The following PPP2R5E variants were observed in gnomAD, a reference collection of about 807,000 sequenced individuals.
The protein encoded by PPP2R5E is protein phosphatase 2 regulatory subunit B'epsilon.
PPP2R5E carries 4 observed loss-of-function variants against 65.3 expected under a neutral mutation model. The ratio of observed to expected loss-of-function variants is 0.06; its 90% confidence interval spans 0.03 to 0.14. The LOEUF is 0.14. Ranked by LOEUF, PPP2R5E falls within the 10% of genes least tolerant of loss-of-function variation. The pLI, the probability that PPP2R5E is intolerant of heterozygous loss-of-function variation, is 1.00. For synonymous variants in PPP2R5E, 183 were observed against 187.4 expected (o/e 0.98, Z 0.19); for missense variants, 274 against 556.1 (o/e 0.49, Z 5.10).
intron 3 of PPP2R5E, chr14:63,452,138 A>G (rs1490618919): frequency 6.6e-6 from 1 of 152,240 alleles, no homozygotes; most frequent in Non-Finnish European, 1.5e-5. Context: ...ATATTTATAC[A>G]TATGTTTGCA....
chr14:63,412,702 A>G (rs1286132513), intron 5 of PPP2R5E, among the ~76,000 whole-genome samples: 1 of 152,206 alleles, frequency 6.6e-6, no homozygotes, highest in African/African-American at 2.4e-5. Flanking sequence ...AAGAATCTGG[A>G]TTTCTATTTA....
intron 2 of PPP2R5E, among the ~76,000 whole-genome samples, chr14:63,497,493 C>G (rs1330177499): frequency 6.6e-6 from 1 of 152,054 alleles, no homozygotes; most frequent in African/African-American, 2.4e-5. Flanking sequence ...TGGCTCCCCC[C>G]TGTAATTCTA....
Position 63,487,536 on chromosome 14 carries a change from G to A in PPP2R5E, c.158-33651C>T, listed in dbSNP as rs373964781. Among the ~76,000 whole-genome samples, 10 of 152,254 alleles carry A rather than the reference G, an allele frequency of 6.6e-5. No individual in the cohort carries two copies. The South Asian group carries it at 2.1e-3, about 32-fold the overall frequency. On this transcript the variant is annotated intron_variant, in intron 2 of 13. Coordinates refer to ENST00000337537, the MANE Select transcript of PPP2R5E (RefSeq NM_006246.5). ...GATGGGGTCAATGCCAACGATGTAG[G>A]CATTTCGAAATCAATCTAATGATTT...
At chr14:63,410,500 T>C (rs1329961727) in intron 5 of PPP2R5E, among the ~76,000 whole-genome samples, 3 of 151,790 alleles carry the variant, frequency 2.0e-5, no homozygotes, top group African/African-American at 4.8e-5. Context: ...CGGGGGATAA[T>C]GGGGTAAAAT....
At chr14:63,413,382 G>C (rs1182604691) in intron 5 of PPP2R5E, among the ~76,000 whole-genome samples, 1 of 152,176 alleles carries the variant, frequency 6.6e-6, no homozygotes, top group East Asian at 1.9e-4. Flanking sequence ...TATTTCATTA[G>C]TCTTCAGATG....
chr14:63,403,115 T>A (rs980062391), intron 5 of PPP2R5E, among the ~76,000 whole-genome samples: 19 of 152,116 alleles, frequency 1.2e-4, no homozygotes, highest in African/African-American at 4.6e-4. Flanking sequence ...AATTTACACT[T>A]AGCCAAAATG....
intron 2 of PPP2R5E, among the ~76,000 whole-genome samples, chr14:63,476,998 A>T (rs912512108): frequency 3.9e-5 from 6 of 152,200 alleles, no homozygotes; most frequent in Middle Eastern, 3.4e-3. Flanking sequence ...ATACATCTCC[A>T]TTTCTAAATG....
At chr14:63,439,354 G>GTTTTT (rs529162433) in intron 3 of PPP2R5E, among the ~76,000 whole-genome samples, 1 of 142,990 alleles carries the variant, frequency 7.0e-6, no homozygotes, top group African/African-American at 2.5e-5. Flanking sequence ...GTCCTGGTCT[G>GTTTTT]TTTTTTTTTT....
At chr14:63,522,668 C>G (rs1273537073) in intron 2 of PPP2R5E, among the ~76,000 whole-genome samples, 1 of 150,510 alleles carries the variant, frequency 6.6e-6, no homozygotes, top group Non-Finnish European at 1.5e-5. Flanking sequence ...CGTCTCTGCC[C>G]GGCCGCGACC....
intron 2 of PPP2R5E, among the ~76,000 whole-genome samples, chr14:63,490,664 G>C (rs1033346833): frequency 6.6e-6 from 1 of 152,038 alleles, no homozygotes; most frequent in Non-Finnish European, 1.5e-5. Flanking sequence ...TCAGGGAAAT[G>C]CAAATCAAAA....
At chr14:63,412,184 T>C (rs1303029005) in intron 5 of PPP2R5E, among the ~76,000 whole-genome samples, 1 of 152,184 alleles carries the variant, frequency 6.6e-6, no homozygotes, top group Non-Finnish European at 1.5e-5. Context: ...AAGCCAGGCA[T>C]GGTGGTGCAC....
chr14:63,436,624 A>G (rs1026350072), intron 3 of PPP2R5E, among the ~76,000 whole-genome samples: 2 of 152,208 alleles, frequency 1.3e-5, no homozygotes, highest in Non-Finnish European at 2.9e-5. Context: ...TCCTTATCCC[A>G]AAACTACTGC....
At chr14:63,443,969 T>A (rs1054024029) in intron 3 of PPP2R5E, among the ~76,000 whole-genome samples, 2 of 152,218 alleles carry the variant, frequency 1.3e-5, no homozygotes, top group Non-Finnish European at 2.9e-5. Flanking sequence ...AGTCTCCTAA[T>A]TGATTCCTCT....
At chr14:63,442,021 T>G (rs1461548469) in intron 3 of PPP2R5E, among the ~76,000 whole-genome samples, 2 of 152,112 alleles carry the variant, frequency 1.3e-5, no homozygotes, top group African/African-American at 2.4e-5. Context: ...AAATCAATAC[T>G]GTTAAATGAG....
chr14:63,468,132 A>T (rs1889931672), intron 2 of PPP2R5E, among the ~76,000 whole-genome samples: 1 of 152,242 alleles, frequency 6.6e-6, no homozygotes, highest in African/African-American at 2.4e-5. Flanking sequence ...GCTGAGCCTT[A>T]GTATCTTTTA....
intron 10 of PPP2R5E, among the ~76,000 whole-genome samples, chr14:63,390,026 G>A (rs558523904): frequency 2.6e-5 from 4 of 151,578 alleles, no homozygotes; most frequent in African/African-American, 7.3e-5. Context: ...AACTGACCCC[G>A]TAGGGCCTTC....
chr14:63,438,942 T>C (rs72714238), intron 3 of PPP2R5E, among the ~76,000 whole-genome samples: 164 of 151,798 alleles, frequency 1.1e-3, no homozygotes, highest in Non-Finnish European at 1.6e-3. Flanking sequence ...TAAATGTATA[T>C]ATAACTATAA....
chr14:63,448,787 C>CAAAA lies in PPP2R5E; in HGVS notation c.354+4898_354+4901dup, dbSNP rs36096050. On this transcript the variant is annotated intron_variant, in intron 3 of 13. Transcript: ENST00000337537. ...CCTGGGTGACAGAACAAGACTTCGTCAAAAAAAAAAAAAAAAAAAAGCAAC... is the reference window on the plus strand; with the variant it reads ...CCTGGGTGACAGAACAAGACTTCGTCAAAAAAAAAAAAAAAAAAAAAAAAGCAAC... Among the ~76,000 whole-genome samples the CAAAA allele has an allele frequency of 8.4e-3, 727 of 86,536 alleles. 12 individuals carry two copies. Among genetic ancestry groups the CAAAA allele is most frequent in the African/African-American group, 0.026 (690 of 26,694 alleles). 56.8% of individuals were successfully genotyped at this position (86,536 alleles called of 152,430 possible). A position where few individuals can be genotyped will look rare whatever the true frequency, so the allele number is the denominator to read the frequency against.
At chr14:63,443,697 A>AT (rs1024891895) in intron 3 of PPP2R5E, among the ~76,000 whole-genome samples, 1 of 152,002 alleles carries the variant, frequency 6.6e-6, no homozygotes, top group South Asian at 2.1e-4. Context: ...GAACCTCAAC[A>AT]TTAACTCATC....
Sources: gnomAD v4.1 joint callset for allele counts (sites outside exome capture counted in the v4.1 genomes callset) on GRCh38, gnomAD v4.1.1 for gene constraint, MANE v1.5 for transcripts, NCBI Gene and HGNC (gene_info 2026-07-23, HGNC 2026-07-21) for gene names.